DLG2: variants seen among roughly 807,000 people sequenced by gnomAD.
DLG2 encodes the protein discs large MAGUK scaffold protein 2, also known as disks large homolog 2.
In DLG2, 45 loss-of-function variants were observed where a neutral mutation model predicts 132.5. The observed-to-expected ratio is 0.34, with a 90% CI of 0.27 to 0.44. The LOEUF (loss-of-function observed/expected upper bound fraction) is 0.44, where lower values mean the gene tolerates loss of function less well. Ranked by LOEUF, DLG2 falls within the 20% of genes least tolerant of loss-of-function variation. DLG2 has a pLI of 1.00. For synonymous variants in DLG2, 424 were observed against 419.6 expected, an observed-to-expected ratio of 1.01 and a Z score of -0.13; for missense variants, 1,045 against 1,196.9, an observed-to-expected ratio of 0.87 and a Z score of 1.87.
intron 6 of DLG2, among the ~76,000 whole-genome samples, chr11:84,836,503 C>A (rs2079798163): frequency 6.6e-6 from 1 of 151,780 alleles, no homozygotes; most frequent in African/African-American, 2.4e-5. Context: ...CCATGGACAT[C>A]AAAGCCCTTG....
intron 17 of DLG2, among the ~76,000 whole-genome samples, chr11:83,808,997 G>T (rs1398914939): frequency 6.6e-6 from 1 of 151,842 alleles, no homozygotes; most frequent in Non-Finnish European, 1.5e-5. Flanking sequence ...CCTGCAGCTG[G>T]TCTCACTTGC....
At chr11:84,419,360 CA>C (rs1221309490) in intron 7 of DLG2, among the ~76,000 whole-genome samples, 1 of 152,150 alleles carries the variant, frequency 6.6e-6, no homozygotes, top group Non-Finnish European at 1.5e-5. Flanking sequence ...AGAAATTACA[CA>C]AACTAATATA....
intron 5 of DLG2, among the ~76,000 whole-genome samples, chr11:85,153,911 G>T (rs2077423985): frequency 6.6e-6 from 1 of 152,028 alleles, no homozygotes; most frequent in Admixed American, 6.6e-5. Flanking sequence ...CTAGCAATAT[G>T]CTCTCCAATT....
At chr11:83,983,088 A>C (rs969957531) in intron 11 of DLG2, among the ~76,000 whole-genome samples, 9 of 152,136 alleles carry the variant, frequency 5.9e-5, no homozygotes, top group African/African-American at 2.2e-4. Context: ...GCCCATTGTT[A>C]AATGACACAT....
chr11:83,634,121 TG>T (rs1186841504), intron 18 of DLG2, among the ~76,000 whole-genome samples: 7 of 151,830 alleles, frequency 4.6e-5, no homozygotes, highest in Admixed American at 2.0e-4. Flanking sequence ...TGTTAGGGGG[TG>T]GGGGTCTGCT....
chr11:83,682,043 G>A (rs751890778), intron 18 of DLG2: 2 of 729,026 alleles, frequency 2.7e-6, no homozygotes, highest in Non-Finnish European at 3.4e-6. Context: ...TGTGGAATTT[G>A]TCAGGAGCCC....
intron 7 of DLG2, among the ~76,000 whole-genome samples, chr11:84,407,217 T>A (rs993528048): frequency 1.3e-5 from 2 of 152,110 alleles, no homozygotes; most frequent in African/African-American, 4.8e-5. Flanking sequence ...GAAGTCTGTC[T>A]CGCTTTTGTT....
At chr11:84,626,239 G>T (rs906500150) in intron 6 of DLG2, among the ~76,000 whole-genome samples, 2 of 152,188 alleles carry the variant, frequency 1.3e-5, no homozygotes, top group Non-Finnish European at 2.9e-5. Context: ...ATTAGGTGGA[G>T]TAAGAAGCAC....
chr11:85,426,767 G>T (rs1471428800), intron 3 of DLG2, among the ~76,000 whole-genome samples: 2 of 152,214 alleles, frequency 1.3e-5, no homozygotes, highest in Non-Finnish European at 2.9e-5. Flanking sequence ...ATGGAACAAA[G>T]CTGAATGGAG....
At chr11:85,566,085 A>T (rs908116807) in intron 3 of DLG2, among the ~76,000 whole-genome samples, 3 of 152,154 alleles carry the variant, frequency 2.0e-5, no homozygotes, top group Admixed American at 1.3e-4. Flanking sequence ...TTCTGATTCA[A>T]ATTTCCCTAA....
intron 6 of DLG2, among the ~76,000 whole-genome samples, chr11:84,594,739 G>A (rs2099552285): frequency 1.3e-5 from 2 of 152,156 alleles, no homozygotes. Flanking sequence ...CACTTTGACA[G>A]CAGTGTGAGT....
chr11:84,713,870 T>G (rs1284356635), intron 6 of DLG2, among the ~76,000 whole-genome samples: 4 of 151,968 alleles, frequency 2.6e-5, no homozygotes, highest in African/African-American at 9.7e-5. Flanking sequence ...AGTAGAAAAT[T>G]TAAGGGGAAA....
chr11:85,037,823 A>AT (rs1266870206), intron 6 of DLG2, among the ~76,000 whole-genome samples: 2 of 152,286 alleles, frequency 1.3e-5, no homozygotes, highest in African/African-American at 2.4e-5. Flanking sequence ...CATTTACCTT[A>AT]TTTTTTATTA....
chr11:84,412,602 A>G (rs1304400616), intron 7 of DLG2, among the ~76,000 whole-genome samples: 2 of 152,224 alleles, frequency 1.3e-5, no homozygotes, highest in Admixed American at 6.5e-5. Context: ...TCCAACCAAT[A>G]TGGACATAAG....
intron 6 of DLG2, among the ~76,000 whole-genome samples, chr11:85,087,491 TG>T (rs1191177046): frequency 1.3e-5 from 2 of 152,218 alleles, no homozygotes; most frequent in African/African-American, 4.8e-5. Flanking sequence ...GAAAACCATG[TG>T]GCTAAACCAA....
intron 9 of DLG2, among the ~76,000 whole-genome samples, chr11:84,146,627 T>C (rs1485953977): frequency 6.6e-6 from 1 of 152,136 alleles, no homozygotes; most frequent in African/African-American, 2.4e-5. Flanking sequence ...GAACAGGCTG[T>C]GGCAATATGA....
At chr11:85,082,460 A>C (rs938991546) in intron 6 of DLG2, among the ~76,000 whole-genome samples, 1 of 152,082 alleles carries the variant, frequency 6.6e-6, no homozygotes, top group African/African-American at 2.4e-5. Context: ...CAATACAAGA[A>C]AGCAGAGCTT....
At chr11:84,145,049 CCT>C (rs1453763847) in intron 9 of DLG2, among the ~76,000 whole-genome samples, 1 of 152,098 alleles carries the variant, frequency 6.6e-6, no homozygotes, top group Non-Finnish European at 1.5e-5. Context: ...AACTCGTACC[CCT>C]GAGTTAGATA....
At chr11:83,537,082 G>T (rs1331412407) in intron 20 of DLG2, among the ~76,000 whole-genome samples, 4 of 152,118 alleles carry the variant, frequency 2.6e-5, no homozygotes, top group Non-Finnish European at 5.9e-5. Context: ...TAATTAGATT[G>T]TTTGAGCAGA....
Sources: gnomAD v4.1 joint callset for allele counts (sites outside exome capture counted in the v4.1 genomes callset) on GRCh38, gnomAD v4.1.1 for gene constraint, MANE v1.5 for transcripts, NCBI Gene and HGNC (gene_info 2026-07-23, HGNC 2026-07-21) for gene names.